The following EMP3 variants were observed in gnomAD, a reference collection of about 807,000 sequenced individuals.
EMP3 encodes the protein epithelial membrane protein 3.
In EMP3, 15 loss-of-function variants were observed where a neutral mutation model predicts 21.6. The ratio of observed to expected loss-of-function variants is 0.69; its 90% CI spans 0.46 to 1.07. EMP3 has a LOEUF of 1.07. Among genes scored for constraint, EMP3 ranks in the 50% least tolerant of loss-of-function variants. The probability of loss-of-function intolerance (pLI) is 0.00; values close to 1 mark genes in which losing one functional copy is unlikely to be tolerated. For missense variants in EMP3, 183 were observed against 206.6 expected, an observed-to-expected ratio of 0.89 and a Z score of 0.70; for synonymous variants, 107 against 86.1, an observed-to-expected ratio of 1.24 and a Z score of -1.34.
At chr19:48,330,278 C>A in intron 4 of EMP3, 23 bp from the exon 5 acceptor site, 1 of 1,563,580 alleles carries the variant, frequency 6.4e-7, no homozygotes, top group Non-Finnish European at 8.7e-7. Flanking sequence ...CACTGCATGA[C>A]GTGTGGTTTT....
At position 48,330,374 on chromosome 19, in the gene EMP3, G is replaced by T; in HGVS notation, c.396G>T (p.Gly132=). The change falls in exon 5 of 5, where the codon GGG becomes GGT. Residue 132 remains glycine, a synonymous_variant. Coordinates refer to ENST00000270221, the MANE Select transcript of EMP3 (RefSeq NM_001425.3). ...AGATCCTGGAGAAGCACCCGCGAGG[G>T]GGCAGCTTCGGATACTGCTTCGCCC... is the stretch of plus-strand genomic sequence containing the variant. ...AEEILEKHPR[G]GSFGYCFALA... The T allele has an allele frequency of 6.2e-7, 1 of 1,607,698 alleles. No individual in the cohort carries two copies. The highest frequency in any genetic ancestry group is 8.5e-7 in the Non-Finnish European group (1 of 1,177,206).
chr19:48,330,392 C>G lies in EMP3; in HGVS notation c.414C>G (p.Cys138Trp). 1 of 1,607,414 alleles carries G rather than the reference C, an allele frequency of 6.2e-7. No homozygotes were observed. Among genetic ancestry groups the G allele is most frequent in the Non-Finnish European group, 8.5e-7 (1 of 1,177,030 alleles). Residue 138 changes from cysteine (C) to tryptophan (W), a missense_variant, in exon 5 of 5, where the codon TGC (cysteine) becomes TGG (tryptophan). Physicochemically the swap from Cys to Trp is radical, Grantham distance 215. Transcript: ENST00000270221. ...CGCGAGGGGGCAGCTTCGGATACTG[C>G]TTCGCCCTGGCCTGGGTGGCCTTCC... ...KHPRGGSFGYCFALAWVAFPL... is the reference protein window; with the variant it reads ...KHPRGGSFGYWFALAWVAFPL...
chr19:48,330,263 G>A, intron 4 of EMP3, 38 bp from the exon 5 acceptor site: 2 of 1,528,088 alleles, frequency 1.3e-6, no homozygotes, highest in East Asian at 2.6e-5. Flanking sequence ...GTAGTCTTGA[G>A]GGGGCACTGC....
intron 3 of EMP3, among the ~76,000 whole-genome samples, chr19:48,328,269 G>A (rs1198626840): frequency 7.2e-5 from 11 of 152,000 alleles, no homozygotes; most frequent in African/African-American, 2.7e-4. Flanking sequence ...AAAATTAGCC[G>A]GGCATGGTGG....
intron 4 of EMP3, 150 bp from the exon 5 acceptor site, chr19:48,330,151 C>G (rs1392571124): frequency 4.3e-6 from 5 of 1,154,418 alleles, no homozygotes; most frequent in African/African-American, 1.6e-5. Flanking sequence ...GCTACAGTTG[C>G]ACGGCGCTGG....
At position 48,329,208 on chromosome 19, in the gene EMP3, A is replaced by T. The variant is rs1198970944; in HGVS notation, c.182-144A>T. The T allele has an allele frequency of 3.1e-6, 3 of 954,562 alleles. No individual in the cohort carries two copies. Among genetic ancestry groups the T allele is most frequent in the Non-Finnish European group, 4.6e-6 (3 of 647,984 alleles). The allele number at this position is 954,562 out of a possible 1,614,324, so 59.1% of individuals were successfully genotyped here. A position where few individuals can be genotyped will look rare whatever the true frequency, so the allele number is the denominator to read the frequency against. The stretch of plus-strand genomic sequence containing the variant: ...AGGTAACAGGGCTCAAGGTCAAAAT[A>T]AGTGATACATCTAAGTATCTAGGCT... On this transcript the variant is annotated intron_variant, in intron 3 of 4. Coordinates refer to ENST00000270221, the MANE Select transcript of EMP3 (RefSeq NM_001425.3). The surrounding 1 kb of genome is among the most constrained non-coding windows in gnomAD (Gnocchi z 4.5).
At chr19:48,327,139 T>A (rs1969135290) in intron 2 of EMP3, among the ~76,000 whole-genome samples, 1 of 152,118 alleles carries the variant, frequency 6.6e-6, no homozygotes, top group Non-Finnish European at 1.5e-5. Flanking sequence ...TTCAAGCGAT[T>A]CTCCTGTCTC....
chr19:48,330,259 T>C, intron 4 of EMP3, 42 bp from the exon 5 acceptor site: 1 of 1,519,852 alleles, frequency 6.6e-7, no homozygotes, highest in Non-Finnish European at 8.8e-7. Context: ...AAATGTAGTC[T>C]TGAGGGGGCA....
intron 1 of EMP3, chr19:48,325,850 GT>G (rs921439228): frequency 6.6e-6 from 1 of 152,170 alleles, no homozygotes; most frequent in African/African-American, 2.4e-5. Flanking sequence ...TCCCTCAGCG[GT>G]GTCCACTGTC....
chr19:48,330,415 T>C lies in EMP3; in HGVS notation c.437T>C (p.Phe146Ser). The C allele has an allele frequency of 2.5e-6, 4 of 1,599,018 alleles. No homozygotes were observed. Residue 146 changes from phenylalanine (F) to serine (S), a missense_variant, in exon 5 of 5, where the codon TTC (phenylalanine) becomes TCC (serine). Transcript: ENST00000270221. ...TGCTTCGCCCTGGCCTGGGTGGCCT[T>C]CCCCCTCGCCCTGGTCAGCGGCATC... is the stretch of plus-strand genomic sequence containing the variant. The part of the protein sequence containing the change: ...GYCFALAWVA[F>S]PLALVSGIIY...
chr19:48,330,507 G>T lies in EMP3; in HGVS notation c.*37G>T. Reference sequence around the variant, plus strand: ...CGCTCGGCTGCCCCCGCCCCTTCCCGGCCCCCCTCGCCGCGCGTCCTCCAA... The same window carrying T: ...CGCTCGGCTGCCCCCGCCCCTTCCCTGCCCCCCTCGCCGCGCGTCCTCCAA... On this transcript the variant is annotated 3_prime_UTR_variant, in exon 5 of 5. Coordinates refer to ENST00000270221, the MANE Select transcript of EMP3 (RefSeq NM_001425.3). 1.3e-6 allele frequency: 2 copies of T among 1,513,618 alleles called. No individual in the cohort carries two copies. The highest frequency in any genetic ancestry group is 8.8e-7 in the Non-Finnish European group (1 of 1,135,918). The allele number at this position is 1,513,618 out of a possible 1,614,324, so 93.8% of individuals were successfully genotyped here. A position where few individuals can be genotyped will look rare whatever the true frequency, so the allele number is the denominator to read the frequency against.
At position 48,330,371 on chromosome 19, in the gene EMP3, AG is replaced by A. The variant is rs1275937883; in HGVS notation, c.398del (p.Gly133AlafsTer?). The part of the protein sequence containing the change: ...AEEILEKHPR[G>X]GSFGYCFALA... ...AGGAGATCCTGGAGAAGCACCCGCG[AG>A]GGGGCAGCTTCGGATACTGCTTCGC... On this transcript the variant is annotated frameshift_variant, in exon 5 of 5. Transcript: ENST00000270221. LOFTEE classifies it high-confidence loss of function. The A allele has an allele frequency of 1.9e-6, 3 of 1,607,772 alleles. No homozygotes were observed. Among genetic ancestry groups the A allele is most frequent in the African/African-American group, 2.7e-5 (2 of 74,386 alleles).
At chr19:48,327,394 TAA>T (rs1479770964) in intron 2 of EMP3, 125 bp from the exon 3 acceptor site, 7 of 681,520 alleles carry the variant, frequency 1.0e-5, no homozygotes, top group African/African-American at 1.8e-5. Context: ...TATTAAATCC[TAA>T]CTCTCCCCAG....
chr19:48,330,385 G>C lies in EMP3; in HGVS notation c.407G>C (p.Gly136Ala). 1.2e-6 allele frequency: 2 copies of C among 1,607,968 alleles called. No individual in the cohort carries two copies. The highest frequency in any genetic ancestry group is 1.7e-6 in the Non-Finnish European group (2 of 1,177,282). ...LEKHPRGGSFGYCFALAWVAF... is the reference protein window; with the variant it reads ...LEKHPRGGSFAYCFALAWVAF... ...AAGCACCCGCGAGGGGGCAGCTTCG[G>C]ATACTGCTTCGCCCTGGCCTGGGTG... The change falls in exon 5 of 5, where the codon GGA becomes GCA. Residue 136 changes from glycine (G) to alanine (A), a missense_variant. Gly to Ala is a moderately conservative substitution (Grantham distance 60). Transcript: ENST00000270221.
In EMP3 at chr19:48,329,139, G is replaced by C; in HGVS notation, c.182-213G>C. 1.7e-6 allele frequency: 1 copy of C among 585,468 alleles called. No individual in the cohort carries two copies. The allele number at this position is 585,468 out of a possible 1,614,324, so 36.3% of individuals were successfully genotyped here. On this transcript the variant is annotated intron_variant, in intron 3 of 4. Coordinates refer to ENST00000270221, the MANE Select transcript of EMP3 (RefSeq NM_001425.3). The surrounding 1 kb of genome is among the most constrained non-coding windows in gnomAD (Gnocchi z 4.5). ...CTGGTTTCAGAAAAAAAAGAAAAAG[G>C]AAATTGGCAAAGCAACTACTAGAAC... is the stretch of plus-strand genomic sequence containing the variant.
rs765311343 is a variant in EMP3, at chr19:48,330,284, GT to G, written c.323-13del. On this transcript the variant is annotated splice_polypyrimidine_tract_variant and intron_variant, in intron 4 of 4. Transcript: ENST00000270221. The stretch of plus-strand genomic sequence containing the variant: ...TTGAGGGGGCACTGCATGACGTGTG[GT>G]TTTCATCTTCCGCAGGCGTGGCGGT... 7 of 1,570,158 alleles carry G rather than the reference GT, an allele frequency of 4.5e-6. No individual in the cohort carries two copies. In the African/African-American group the frequency reaches 8.3e-5, roughly 19 times the overall value.
chr19:48,327,829 C>G (rs1361392061), intron 3 of EMP3: 4 of 539,476 alleles, frequency 7.4e-6, no homozygotes, highest in Non-Finnish European at 1.3e-5. Context: ...TTTTTTGAGA[C>G]CGAGTTTTCC....
In EMP3 at chr19:48,326,826, C is replaced by A. The variant is rs745944064; in HGVS notation, c.-15-4C>A. On this transcript the variant is annotated splice_region_variant and splice_polypyrimidine_tract_variant and intron_variant, in intron 1 of 4. Coordinates refer to ENST00000270221, the MANE Select transcript of EMP3 (RefSeq NM_001425.3). ...AGACTCCGTCCCCTGCTCCCCCTCC[C>A]CAGGCTTCCACTGCAGCCATGTCAC... is the stretch of plus-strand genomic sequence containing the variant. 3 of 1,613,330 alleles carry A rather than the reference C, an allele frequency of 1.9e-6. No homozygotes were observed. The highest frequency in any genetic ancestry group is 2.5e-6 in the Non-Finnish European group (3 of 1,179,408).
chr19:48,328,411 CA>C (rs746709296), intron 3 of EMP3, among the ~76,000 whole-genome samples: 2,048 of 80,674 alleles, frequency 0.025, 22 homozygotes, highest in African/African-American at 0.074. Context: ...GATTCTGTCT[CA>C]AAAAAAAAAA....
Sources: gnomAD v4.1 joint callset for allele counts (sites outside exome capture counted in the v4.1 genomes callset) on GRCh38, gnomAD v4.1.1 for gene constraint, Gnocchi (gnomAD v3.1) non-coding constraint, MANE v1.5 for transcripts, NCBI Gene and HGNC (gene_info 2026-07-23, HGNC 2026-07-21) for gene names.